The following SVEP1 variants were observed in gnomAD, a reference collection of about 807,000 sequenced individuals.
SVEP1 encodes sushi, von Willebrand factor type A, EGF and pentraxin domain containing 1, also known as sushi, von Willebrand factor type A, EGF and pentraxin domain-containing protein 1.
Under a neutral mutation model 367.3 loss-of-function variants are expected in SVEP1, and 164 were observed. The observed-to-expected ratio is 0.45, with a 90% confidence interval of 0.39 to 0.51. The LOEUF (loss-of-function observed/expected upper bound fraction) is 0.51. Among genes scored for constraint, SVEP1 ranks in the 20% least tolerant of loss-of-function variants. The pLI, the probability that SVEP1 is intolerant of heterozygous loss-of-function variation, is 0.00. For synonymous variants in SVEP1, 1,666 were observed against 1,611.6 expected (o/e 1.03, Z -0.81); for missense variants, 4,117 against 4,425.3 (o/e 0.93, Z 1.98).
Position 110,507,930 on chromosome 9 carries a change from T to C in SVEP1, c.1304-4713A>G, listed in dbSNP as rs181415679. 1.2e-4 allele frequency among the ~76,000 whole-genome samples: 19 copies of C among 152,334 alleles called. No individual in the cohort carries two copies. The East Asian group carries it at 3.5e-3, about 28-fold the overall frequency. The stretch of plus-strand genomic sequence containing the variant: ...AATAAATTAGAGTCGGTGCCTCATA[T>C]AGATGCAAATTATACTGCTTCTCAG... On this transcript the variant is annotated intron_variant, in intron 5 of 47. Coordinates refer to ENST00000374469, the MANE Select transcript of SVEP1 (RefSeq NM_153366.4).
intron 1 of SVEP1, among the ~76,000 whole-genome samples, chr9:110,568,846 T>C (rs1035638885): frequency 3.3e-5 from 5 of 152,208 alleles, no homozygotes; most frequent in African/African-American, 1.2e-4. Flanking sequence ...ATGCCTATAA[T>C]CCCAGCACTT....
chr9:110,558,711 T>C (rs1830386307), intron 1 of SVEP1, among the ~76,000 whole-genome samples: 1 of 151,918 alleles, frequency 6.6e-6, no homozygotes, highest in Admixed American at 6.6e-5. Context: ...GAGATCCACA[T>C]TGCTCATAGT....
intron 3 of SVEP1, among the ~76,000 whole-genome samples, chr9:110,522,688 T>C (rs1167703821): frequency 2.0e-5 from 3 of 152,160 alleles, no homozygotes; most frequent in African/African-American, 7.2e-5. Flanking sequence ...TGTAGTTTGG[T>C]GTTTATTGTC....
chr9:110,390,278 T>C (rs1317584667), intron 40 of SVEP1, among the ~76,000 whole-genome samples: 2 of 89,312 alleles, frequency 2.2e-5, no homozygotes, highest in African/African-American at 8.0e-5. Context: ...TATATACTTA[T>C]ATATATACAT....
chr9:110,579,402 C>G lies in SVEP1; in HGVS notation c.142G>C (p.Ala48Pro). ...TAPGAPGSIPAPPAPGDEAAG... is the reference protein window; with the variant it reads ...TAPGAPGSIPPPPAPGDEAAG... Reference sequence around the variant, plus strand: ...GCTTCGTCGCCAGGAGCGGGCGGCGCGGGGATACTCCCGGGGGCCCCGGGC... The same window carrying G: ...GCTTCGTCGCCAGGAGCGGGCGGCGGGGGGATACTCCCGGGGGCCCCGGGC... The change falls in exon 1 of 48, where the codon GCG becomes CCG. Residue 48 changes from alanine to proline, a missense_variant. By Grantham distance (27) the Ala-to-Pro change is conservative. This residue lies in a region of SVEP1 where 161 missense variants were observed against 122.4 expected (regional missense o/e 1.32). Transcript: ENST00000374469. The surrounding 1 kb of genome is among the most constrained non-coding windows in gnomAD (Gnocchi z 5.3). 6.4e-7 allele frequency: 1 copy of G among 1,574,514 alleles called. No homozygotes were observed. Among genetic ancestry groups the G allele is most frequent in the Non-Finnish European group, 8.6e-7 (1 of 1,161,098 alleles).
chr9:110,457,268 G>C lies in SVEP1; in HGVS notation c.3661C>G (p.Leu1221Val), dbSNP rs531853003. The C allele has an allele frequency of 6.2e-7, 1 of 1,608,516 alleles. No individual in the cohort carries two copies. The highest frequency in any genetic ancestry group is 2.2e-5 in the East Asian group (1 of 44,780). Residue 1221 changes from leucine to valine, a missense_variant, in exon 21 of 48, where the codon CTT becomes GTT. By Grantham distance (32) the Leu-to-Val change is conservative. Coordinates refer to ENST00000374469, the MANE Select transcript of SVEP1 (RefSeq NM_153366.4). The part of the protein sequence containing the change: ...LGRGYVCLCP[L>V]GYTGLKCETD... ...CTTGGTTATTTACCTGTATATCCAA[G>C]TGGACAGAGACAAACATAACCACGC... is the stretch of plus-strand genomic sequence containing the variant.
At chr9:110,528,016 T>A (rs1056616282) in intron 3 of SVEP1, among the ~76,000 whole-genome samples, 7 of 151,094 alleles carry the variant, frequency 4.6e-5, no homozygotes, top group Non-Finnish European at 8.9e-5. Context: ...TCCATCAAAG[T>A]TGCTGCAAAA....
chr9:110,467,885 C>T (rs1167561972), intron 17 of SVEP1, among the ~76,000 whole-genome samples: 1 of 152,152 alleles, frequency 6.6e-6, no homozygotes, highest in African/African-American at 2.4e-5. Context: ...AACTGCCTGC[C>T]TCAGCCTCCC....
chr9:110,479,348 T>C (rs114600019), intron 13 of SVEP1, among the ~76,000 whole-genome samples: 4,280 of 152,302 alleles, frequency 0.028, 188 homozygotes, highest in African/African-American at 0.098. Flanking sequence ...CTACAATGTT[T>C]GGCATTTTTG....
rs773002647 is a variant in SVEP1 at position 110,465,886 on chromosome 9, C to G, written c.3301G>C (p.Val1101Leu). The change falls in exon 18 of 48, where the codon GTG (valine) becomes CTG (leucine). Residue 1101 changes from valine (V) to leucine (L), a missense_variant. Physicochemically the swap from Val to Leu is conservative, Grantham distance 32 (BLOSUM62 1). Coordinates refer to ENST00000374469, the MANE Select transcript of SVEP1 (RefSeq NM_153366.4). ...ENTSTVKRGA[V>L]NISACGVPCP... ...TAACCTCCACATGCAGAAATGTTCA[C>G]GGCTCCTCTTTTCACAGTTGAGGTG... is the stretch of plus-strand genomic sequence containing the variant. The G allele has an allele frequency of 6.2e-7, 1 of 1,612,908 alleles. No individual in the cohort carries two copies. The highest frequency in any genetic ancestry group is 8.5e-7 in the Non-Finnish European group (1 of 1,179,420).
intron 12 of SVEP1, 65 bp from the exon 13 acceptor site, chr9:110,479,821 T>C: frequency 1.9e-6 from 3 of 1,554,608 alleles, no homozygotes; most frequent in Non-Finnish European, 1.7e-6. Flanking sequence ...TTTGACTTTC[T>C]ATGAAATAAT....
chr9:110,373,344 G>A lies in SVEP1; in HGVS notation c.10600+2024C>T, dbSNP rs537323711. Among the ~76,000 whole-genome samples the A allele has an allele frequency of 9.9e-5, 15 of 152,216 alleles. 1 individual carries two copies. In the East Asian group the frequency reaches 2.5e-3, roughly 25 times the overall value. ...CAATTTTGGCTTTAGGTAGGGTGAC[G>A]ACTGCACATCTGCTTTTGTCTGTAA... On this transcript the variant is annotated intron_variant, in intron 46 of 47. Transcript: ENST00000374469.
In SVEP1 at chr9:110,376,121, C is replaced by G. The variant is rs553691251; in HGVS notation, c.10505-658G>C. On this transcript the variant is annotated intron_variant, in intron 45 of 47. Coordinates refer to ENST00000374469, the MANE Select transcript of SVEP1 (RefSeq NM_153366.4). ...GCTCCCCAAAATCAAGTTCCCTAAC[C>G]CCAATAGTCTTTGCATCACCTAGGA... Among the ~76,000 whole-genome samples, 6 of 152,254 alleles carry G rather than the reference C, an allele frequency of 3.9e-5. No individual in the cohort carries two copies. The South Asian group carries it at 1.2e-3, about 32-fold the overall frequency.
At chr9:110,494,265 G>T (rs540269298) in intron 8 of SVEP1, among the ~76,000 whole-genome samples, 6 of 152,144 alleles carry the variant, frequency 3.9e-5, no homozygotes, top group Admixed American at 6.5e-5. Context: ...AGACAGAGAC[G>T]GGGAGGCATA....
chr9:110,390,320 T>TATACAC (rs1564127539), intron 40 of SVEP1, among the ~76,000 whole-genome samples: 4 of 109,146 alleles, frequency 3.7e-5, no homozygotes, highest in Non-Finnish European at 7.5e-5. Flanking sequence ...TATGTGTATA[T>TATACAC]ATACTTATAT....
chr9:110,430,145 T>G, intron 33 of SVEP1, 129 bp downstream of exon 33: 1 of 1,185,982 alleles, frequency 8.4e-7, no homozygotes, highest in Non-Finnish European at 1.2e-6. Flanking sequence ...TGGGGTCATG[T>G]TTAAACATGA....
At position 110,450,265 on chromosome 9, in the gene SVEP1, G is replaced by C; in HGVS notation, c.3902-5C>G. 2 of 1,613,510 alleles carry C rather than the reference G, an allele frequency of 1.2e-6. No individual in the cohort carries two copies. The highest frequency in any genetic ancestry group is 1.1e-5 in the South Asian group (1 of 91,050). ...CTTCTGTTTCACAATGCAGGCCTGA[G>C]GATGGAGAAGGAAGAGAAACAGCCC... On this transcript the variant is annotated splice_region_variant and splice_polypyrimidine_tract_variant and intron_variant, in intron 23 of 47. Coordinates refer to ENST00000374469, the MANE Select transcript of SVEP1 (RefSeq NM_153366.4).
chr9:110,383,252 CT>C (rs61711980), intron 43 of SVEP1, among the ~76,000 whole-genome samples: 19,023 of 151,690 alleles, frequency 0.13, 1,301 homozygotes, highest in African/African-American at 0.16. Flanking sequence ...TTTGTGAGGG[CT>C]TTTTTGTTGA....
At chr9:110,533,604 G>GTGTGTA (rs962708718) in intron 3 of SVEP1, among the ~76,000 whole-genome samples, 66 of 106,952 alleles carry the variant, frequency 6.2e-4, no homozygotes, top group African/African-American at 2.0e-3. Context: ...CTGTGTGTGT[G>GTGTGTA]TGTGCACGCA....
Sources: gnomAD v4.1 joint callset for allele counts (sites outside exome capture counted in the v4.1 genomes callset) on GRCh38, gnomAD v4.1.1 for gene constraint, gnomAD v4.1.1 regional missense constraint, Gnocchi (gnomAD v3.1) non-coding constraint, MANE v1.5 for transcripts, NCBI Gene and HGNC (gene_info 2026-07-23, HGNC 2026-07-21) for gene names.